The following CAPZA2 variants were observed in gnomAD, a reference collection of about 807,000 sequenced individuals.
CAPZA2 encodes the protein F-actin-capping protein subunit alpha-2.
A neutral mutation model predicts 44.0 loss-of-function variants in CAPZA2; 13 were observed. That is an observed-to-expected ratio of 0.30 (90% CI 0.19 to 0.47). The LOEUF is 0.47. Ranked by LOEUF, CAPZA2 falls within the 20% of genes least tolerant of loss-of-function variation. CAPZA2 has a pLI of 1.00. For synonymous variants in CAPZA2, 94 were observed against 108.2 expected, an observed-to-expected ratio of 0.87 and a Z score of 0.81; for missense variants, 244 against 338.6, an observed-to-expected ratio of 0.72 and a Z score of 2.19.
chr7:116,917,604 T>C (rs745559230), intron 9 of CAPZA2, 123 bp from the exon 10 acceptor site: 6 of 743,012 alleles, frequency 8.1e-6, no homozygotes, highest in Non-Finnish European at 1.2e-5. Context: ...GGGATTTTAT[T>C]TGACTGTTTA....
chr7:116,883,670 A>G (rs914989032), intron 1 of CAPZA2, among the ~76,000 whole-genome samples: 3 of 152,346 alleles, frequency 2.0e-5, no homozygotes, highest in African/African-American at 7.2e-5. Flanking sequence ...ATTACTGTGT[A>G]CATTTAGTGC....
At chr7:116,883,544 A>T (rs556079455) in intron 1 of CAPZA2, among the ~76,000 whole-genome samples, 2 of 152,336 alleles carry the variant, frequency 1.3e-5, no homozygotes, top group African/African-American at 4.8e-5. Context: ...GGCTGGTTTA[A>T]TCCACATTGT....
chr7:116,875,833 G>A (rs532617822), intron 1 of CAPZA2: 214 of 152,130 alleles, frequency 1.4e-3, no homozygotes, highest in African/African-American at 5.0e-3. Flanking sequence ...GTAAGCCATG[G>A]CACCTGGCCA....
Position 116,921,628 on chromosome 7 carries a change from G to A in CAPZA2, c.*3761G>A, listed in dbSNP as rs146411855. 6.6e-6 allele frequency: 1 copy of A among 152,348 alleles called. No homozygotes were observed. The highest frequency in any genetic ancestry group is 2.4e-5 in the African/African-American group (1 of 41,572). The allele number at this position is 152,348 out of a possible 1,614,324, so 9.4% of individuals were successfully genotyped here. A position where few individuals can be genotyped will look rare whatever the true frequency, so the allele number is the denominator to read the frequency against. ...ACCCAGGAAGTGACAGTTACAACGA[G>A]CGGAGACTGTGCCACTTCACTGCAG... On this transcript the variant is annotated 3_prime_UTR_variant, in exon 10 of 10. Coordinates refer to ENST00000361183, the MANE Select transcript of CAPZA2 (RefSeq NM_006136.3).
chr7:116,872,183 T>C (rs1351149145), intron 1 of CAPZA2, among the ~76,000 whole-genome samples: 1 of 152,216 alleles, frequency 6.6e-6, no homozygotes, highest in East Asian at 1.9e-4. Flanking sequence ...ATTACTACTT[T>C]GTTTTTTCCT....
intron 1 of CAPZA2, among the ~76,000 whole-genome samples, chr7:116,869,570 AG>A (rs1283033833): frequency 1.3e-5 from 2 of 152,230 alleles, no homozygotes; most frequent in Non-Finnish European, 2.9e-5. Context: ...TTTCATTGGT[AG>A]CGTTTTTCCT....
At chr7:116,890,547 T>G (rs1371390222) in intron 2 of CAPZA2, among the ~76,000 whole-genome samples, 1 of 13,054 alleles carries the variant, frequency 7.7e-5, no homozygotes, top group Non-Finnish European at 1.5e-4. Context: ...TATATATATA[T>G]ATATATATAT....
At chr7:116,880,803 G>GT (rs1270380420) in intron 1 of CAPZA2, among the ~76,000 whole-genome samples, 1 of 128,322 alleles carries the variant, frequency 7.8e-6, no homozygotes, top group African/African-American at 2.9e-5. Context: ...ATCCTCCCAG[G>GT]TTCAAGCGAT....
In CAPZA2 at chr7:116,921,331, G is replaced by C. The variant is rs940168540; in HGVS notation, c.*3464G>C. 6.6e-6 allele frequency: 1 copy of C among 150,680 alleles called. No individual in the cohort carries two copies. Among genetic ancestry groups the C allele is most frequent in the South Asian group, 2.1e-4 (1 of 4,784 alleles). 9.3% of individuals were successfully genotyped at this position (150,680 alleles called of 1,614,324 possible). On this transcript the variant is annotated 3_prime_UTR_variant, in exon 10 of 10. Coordinates refer to ENST00000361183, the MANE Select transcript of CAPZA2 (RefSeq NM_006136.3). ...CAGGATGCGAAGGTTGCAGTGAGCCGAGATTGTGCCACTGCACTCCAGGCT... is the reference window on the plus strand; with the variant it reads ...CAGGATGCGAAGGTTGCAGTGAGCCCAGATTGTGCCACTGCACTCCAGGCT...
chr7:116,863,856 T>C (rs1341071319), intron 1 of CAPZA2, among the ~76,000 whole-genome samples: 1 of 152,194 alleles, frequency 6.6e-6, no homozygotes, highest in African/African-American at 2.4e-5. Flanking sequence ...CTGCTCTAGA[T>C]GTTTTTATAT....
chr7:116,901,893 G>A (rs937541655), intron 4 of CAPZA2, among the ~76,000 whole-genome samples: 75 of 151,024 alleles, frequency 5.0e-4, no homozygotes, highest in African/African-American at 1.7e-3. Context: ...GTGTGTGTGT[G>A]TGTGTGTGTG....
At chr7:116,904,622 A>G (rs1213034805) in intron 5 of CAPZA2, 2 of 418,160 alleles carry the variant, frequency 4.8e-6, no homozygotes, top group African/African-American at 4.1e-5. Flanking sequence ...AGAAATTCTA[A>G]TACATTGATT....
chr7:116,918,750 CACTT>C lies in CAPZA2; in HGVS notation c.*886_*889del, dbSNP rs755176407. The C allele has an allele frequency of 2.6e-4, 39 of 152,020 alleles. No individual in the cohort carries two copies. Among genetic ancestry groups the C allele is most frequent in the Admixed American group, 7.2e-4 (11 of 15,266 alleles). 9.4% of individuals were successfully genotyped at this position (152,020 alleles called of 1,614,324 possible). A position where few individuals can be genotyped will look rare whatever the true frequency, so the allele number is the denominator to read the frequency against. The stretch of plus-strand genomic sequence containing the variant: ...TTTCCTATTTATTTGAGTAGAAAAT[CACTT>C]ACCAGTGAGCATATATATTTTAAAA... On this transcript the variant is annotated 3_prime_UTR_variant, in exon 10 of 10. Coordinates refer to ENST00000361183, the MANE Select transcript of CAPZA2 (RefSeq NM_006136.3).
chr7:116,894,526 A>T (rs1361693625), intron 3 of CAPZA2, among the ~76,000 whole-genome samples: 1 of 152,182 alleles, frequency 6.6e-6, no homozygotes, highest in Non-Finnish European at 1.5e-5. Flanking sequence ...TATTTATAGC[A>T]GTTTTTTAAT....
At chr7:116,893,115 TG>T in intron 3 of CAPZA2, 70 bp downstream of exon 3, 2 of 1,024,526 alleles carry the variant, frequency 2.0e-6, no homozygotes, top group Non-Finnish European at 2.9e-6. Context: ...TAAAAGTGTG[TG>T]GGGGTTTTTT....
Position 116,918,013 on chromosome 7 carries a change from C to T in CAPZA2, c.*146C>T. 1 of 588,586 alleles carries T rather than the reference C, an allele frequency of 1.7e-6. No individual in the cohort carries two copies. 36.5% of individuals were successfully genotyped at this position (588,586 alleles called of 1,614,324 possible). Reference sequence around the variant, plus strand: ...TAATTAGTTTGATTAGAGCACAAAGCTTAGCTAATCAACCATTATTTTTCA... The same window carrying T: ...TAATTAGTTTGATTAGAGCACAAAGTTTAGCTAATCAACCATTATTTTTCA... On this transcript the variant is annotated 3_prime_UTR_variant, in exon 10 of 10. Transcript: ENST00000361183.
At chr7:116,879,888 G>A (rs779723287) in intron 1 of CAPZA2, among the ~76,000 whole-genome samples, 2 of 152,196 alleles carry the variant, frequency 1.3e-5, no homozygotes, top group Non-Finnish European at 2.9e-5. Flanking sequence ...GTAATCAGTA[G>A]CTACTGAGTA....
chr7:116,911,440 G>A (rs1320817246), intron 7 of CAPZA2, among the ~76,000 whole-genome samples: 1 of 152,130 alleles, frequency 6.6e-6, no homozygotes, highest in African/African-American at 2.4e-5. Context: ...TGACTGGTTT[G>A]CTACCTGTAT....
At chr7:116,881,536 A>C (rs550106329) in intron 1 of CAPZA2, among the ~76,000 whole-genome samples, 1 of 151,898 alleles carries the variant, frequency 6.6e-6, no homozygotes, top group African/African-American at 2.4e-5. Flanking sequence ...TCAGGAGATC[A>C]AGACCATCCT....
Sources: allele counts gnomAD v4.1 joint callset (sites outside exome capture counted in the v4.1 genomes callset), GRCh38; gene constraint gnomAD v4.1.1; transcripts MANE v1.5; gene names NCBI Gene and HGNC (gene_info 2026-07-23, HGNC 2026-07-21).